SYNDIG1: variants seen among roughly 807,000 people sequenced by gnomAD.
SYNDIG1 encodes synapse differentiation inducing 1, also known as synapse differentiation-inducing gene protein 1.
In SYNDIG1, 9 loss-of-function variants were observed where a neutral mutation model predicts 19.4. The observed-to-expected ratio is 0.46, with a 90% CI of 0.28 to 0.81. The LOEUF is 0.81. SYNDIG1 is among the 30% of genes least tolerant of loss of function. SYNDIG1 has a pLI of 0.12. For synonymous variants in SYNDIG1, 141 were observed against 145.9 expected, an observed-to-expected ratio of 0.97 and a Z score of 0.24; for missense variants, 311 against 343.3, an observed-to-expected ratio of 0.91 and a Z score of 0.74.
chr20:24,627,229 A>T (rs2059163751), intron 3 of SYNDIG1, among the ~76,000 whole-genome samples: 1 of 151,954 alleles, frequency 6.6e-6, no homozygotes, highest in Non-Finnish European at 1.5e-5. Context: ...GCTGTGAGCA[A>T]CTCTGTACCT....
At chr20:24,530,267 C>T (rs965957051) in intron 1 of SYNDIG1, among the ~76,000 whole-genome samples, 4 of 152,050 alleles carry the variant, frequency 2.6e-5, no homozygotes, top group Non-Finnish European at 4.4e-5. Context: ...ATTTGGAGTT[C>T]CTGTGGATTG....
At chr20:24,548,777 G>A (rs1411588485) in intron 2 of SYNDIG1, among the ~76,000 whole-genome samples, 1 of 152,128 alleles carries the variant, frequency 6.6e-6, no homozygotes, top group Non-Finnish European at 1.5e-5. Flanking sequence ...GAACATCCTT[G>A]CCTTGCTCCT....
At chr20:24,610,368 C>G (rs1478595263) in intron 3 of SYNDIG1, among the ~76,000 whole-genome samples, 2 of 152,176 alleles carry the variant, frequency 1.3e-5, no homozygotes, top group African/African-American at 2.4e-5. Flanking sequence ...TTCTTCATTC[C>G]AGAGCCACCT....
At chr20:24,577,699 T>C (rs991643634) in intron 2 of SYNDIG1, among the ~76,000 whole-genome samples, 7 of 152,190 alleles carry the variant, frequency 4.6e-5, no homozygotes, top group Non-Finnish European at 1.0e-4. Flanking sequence ...CCAGGTGCTG[T>C]CCTTGGTCCT....
rs373908231 is a variant in SYNDIG1, at chr20:24,624,498, C to T, written c.618+39505C>T. Among the ~76,000 whole-genome samples the T allele has an allele frequency of 3.9e-5, 6 of 152,210 alleles. 1 individual carries two copies. Among genetic ancestry groups the T allele is most frequent in the African/African-American group, 1.4e-4 (6 of 41,526 alleles). On this transcript the variant is annotated intron_variant, in intron 3 of 3. Transcript: ENST00000376862. ...AAGGGTTCGATTATCTAAGAAGATA[C>T]AACAGTCCTAAACATGTGTGCTCCT...
chr20:24,534,287 GC>G (rs2057318603), intron 1 of SYNDIG1, among the ~76,000 whole-genome samples: 1 of 152,090 alleles, frequency 6.6e-6, no homozygotes, highest in Non-Finnish European at 1.5e-5. Context: ...GAAGCAGGGG[GC>G]CCCCTCCTCA....
At chr20:24,625,323 G>A (rs2059106846) in intron 3 of SYNDIG1, among the ~76,000 whole-genome samples, 3 of 148,270 alleles carry the variant, frequency 2.0e-5, no homozygotes, top group African/African-American at 7.4e-5. Flanking sequence ...AGGAGATAAA[G>A]ACAACACAAA....
chr20:24,529,385 A>T (rs1229332803), intron 1 of SYNDIG1, among the ~76,000 whole-genome samples: 1 of 151,774 alleles, frequency 6.6e-6, no homozygotes, highest in Non-Finnish European at 1.5e-5. Context: ...TATGGAAGGG[A>T]TGATGGCTAG....
At chr20:24,560,439 G>A in intron 2 of SYNDIG1, among the ~76,000 whole-genome samples, 1 of 151,878 alleles carries the variant, frequency 6.6e-6, no homozygotes, top group East Asian at 1.9e-4. Context: ...AGTTCCCTCT[G>A]TCATAACAAA....
At chr20:24,578,587 C>T (rs961717019) in intron 2 of SYNDIG1, among the ~76,000 whole-genome samples, 1 of 152,162 alleles carries the variant, frequency 6.6e-6, no homozygotes, top group Non-Finnish European at 1.5e-5. Flanking sequence ...AGCTTTGCAG[C>T]TATGTAGGGA....
At chr20:24,642,685 TC>T (rs1163461682) in intron 3 of SYNDIG1, among the ~76,000 whole-genome samples, 2 of 152,202 alleles carry the variant, frequency 1.3e-5, no homozygotes, top group Admixed American at 6.5e-5. Flanking sequence ...GGTTTCTGTG[TC>T]CACTTGACAT....
At chr20:24,591,156 G>A (rs1600700400) in intron 3 of SYNDIG1, among the ~76,000 whole-genome samples, 1 of 151,870 alleles carries the variant, frequency 6.6e-6, no homozygotes, top group Non-Finnish European at 1.5e-5. Flanking sequence ...TTTAGAAAAT[G>A]CACGTATTTG....
chr20:24,600,605 C>CTTTTTTTT (rs71183379), intron 3 of SYNDIG1, among the ~76,000 whole-genome samples: 7 of 130,794 alleles, frequency 5.4e-5, no homozygotes, highest in Admixed American at 7.8e-5. Context: ...ATCTTTCTTT[C>CTTTTTTTT]TTTTTTTTTT....
intron 3 of SYNDIG1, among the ~76,000 whole-genome samples, chr20:24,587,751 T>C (rs1243667110): frequency 1.3e-5 from 2 of 152,180 alleles, no homozygotes; most frequent in Non-Finnish European, 2.9e-5. Flanking sequence ...AAGGGGATGA[T>C]GCACCTGGGC....
chr20:24,543,664 T>C (rs892023154), intron 2 of SYNDIG1, 87 bp downstream of exon 2: 4 of 1,526,980 alleles, frequency 2.6e-6, no homozygotes, highest in Non-Finnish European at 3.5e-6. Flanking sequence ...CTGGCAAAAG[T>C]TAGGGAATGA....
At chr20:24,630,852 T>C (rs550585600) in intron 3 of SYNDIG1, among the ~76,000 whole-genome samples, 2 of 152,316 alleles carry the variant, frequency 1.3e-5, no homozygotes, top group South Asian at 4.1e-4. Flanking sequence ...TCTGAAGCAG[T>C]TGGTGGTGAG....
At chr20:24,515,103 A>G (rs2056833323) in intron 1 of SYNDIG1, among the ~76,000 whole-genome samples, 1 of 152,216 alleles carries the variant, frequency 6.6e-6, no homozygotes, top group Admixed American at 6.5e-5. Flanking sequence ...ACATACCAGA[A>G]TCTCTGGGAC....
chr20:24,650,652 G>A (rs1269686332), intron 3 of SYNDIG1, among the ~76,000 whole-genome samples: 1 of 152,204 alleles, frequency 6.6e-6, no homozygotes, highest in African/African-American at 2.4e-5. Flanking sequence ...CTCCCAGCTA[G>A]GACAGCGTTC....
intron 1 of SYNDIG1, among the ~76,000 whole-genome samples, chr20:24,541,180 A>G (rs1294981677): frequency 6.6e-6 from 1 of 152,244 alleles, no homozygotes; most frequent in Non-Finnish European, 1.5e-5. Context: ...TAGCAAAACT[A>G]GGGCTGAATC....
Sources: allele counts gnomAD v4.1 joint callset (sites outside exome capture counted in the v4.1 genomes callset), GRCh38; gene constraint gnomAD v4.1.1; transcripts MANE v1.5; gene names NCBI Gene and HGNC (gene_info 2026-07-23, HGNC 2026-07-21).